The following CHRNA7 variants were observed in gnomAD, a reference collection of about 807,000 sequenced individuals.
CHRNA7 encodes cholinergic receptor nicotinic alpha 7 subunit, also known as neuronal acetylcholine receptor subunit alpha-7.
A neutral mutation model predicts 48.0 loss-of-function variants in CHRNA7; 17 were observed. That is an observed-to-expected ratio of 0.35 (90% CI 0.24 to 0.53). The LOEUF (loss-of-function observed/expected upper bound fraction) is 0.53. Ranked by LOEUF, CHRNA7 falls within the 20% of genes least tolerant of loss-of-function variation. The pLI, the probability that CHRNA7 is intolerant of heterozygous loss-of-function variation, is 0.92. For synonymous variants in CHRNA7, 75 were observed against 242.3 expected, an observed-to-expected ratio of 0.31 and a Z score of 6.41; for missense variants, 155 against 577.7, an observed-to-expected ratio of 0.27 and a Z score of 7.50.
intron 2 of CHRNA7, among the ~76,000 whole-genome samples, chr15:32,083,309 C>T (rs978103105): frequency 2.0e-5 from 3 of 152,150 alleles, no homozygotes; most frequent in Non-Finnish European, 4.4e-5. Flanking sequence ...CTCTCGAGTA[C>T]TCTCTAGCCC....
chr15:32,140,100 G>A (rs1264612824), intron 4 of CHRNA7, among the ~76,000 whole-genome samples: 1 of 148,256 alleles, frequency 6.7e-6, no homozygotes, highest in Non-Finnish European at 1.5e-5. Flanking sequence ...AGGCCCCGGT[G>A]TGTGATGTTC....
intron 2 of CHRNA7, among the ~76,000 whole-genome samples, chr15:32,068,795 G>A (rs1250895922): frequency 6.6e-6 from 1 of 152,002 alleles, no homozygotes; most frequent in Non-Finnish European, 1.5e-5. Context: ...AAGTAAACTG[G>A]TCAGGAATAT....
At chr15:32,144,381 A>C (rs1363138314) in intron 4 of CHRNA7, among the ~76,000 whole-genome samples, 1 of 152,094 alleles carries the variant, frequency 6.6e-6, no homozygotes, top group Non-Finnish European at 1.5e-5. Flanking sequence ...GTGAATCTGA[A>C]AATTATGTGT....
chr15:32,033,038 T>A (rs1375358688), intron 2 of CHRNA7, among the ~76,000 whole-genome samples: 1 of 152,200 alleles, frequency 6.6e-6, no homozygotes, highest in East Asian at 1.9e-4. Context: ...GTCAATGACA[T>A]TCCAGTGTCC....
chr15:32,151,818 C>T (rs2051635893), intron 4 of CHRNA7, among the ~76,000 whole-genome samples: 1 of 151,898 alleles, frequency 6.6e-6, no homozygotes, highest in African/African-American at 2.4e-5. Flanking sequence ...GGTGTGTATC[C>T]TCCACTGTGT....
intron 2 of CHRNA7, among the ~76,000 whole-genome samples, chr15:32,056,878 A>G (rs938287973): frequency 6.6e-6 from 1 of 152,232 alleles, no homozygotes; most frequent in Non-Finnish European, 1.5e-5. Context: ...CAAAGAAAAC[A>G]TTAGGCAAAT....
At position 32,113,287 on chromosome 15, in the gene CHRNA7, T is replaced by C. The variant is rs566003256; in HGVS notation, c.350+1388T>C. On this transcript the variant is annotated intron_variant, in intron 4 of 9. Transcript: ENST00000306901. ...TGTCCGTGCCCTAGTCTCCTCTTCC[T>C]GTAAGCACTGCAGTCAAATTAGAGT... is the stretch of plus-strand genomic sequence containing the variant. Among the ~76,000 whole-genome samples the C allele has an allele frequency of 6.4e-4, 98 of 152,326 alleles. 1 individual carries two copies. The highest frequency in any genetic ancestry group is 2.2e-3 in the African/African-American group (92 of 41,574).
At chr15:32,147,414 A>G (rs1292989432) in intron 4 of CHRNA7, among the ~76,000 whole-genome samples, 4 of 152,160 alleles carry the variant, frequency 2.6e-5, no homozygotes, top group African/African-American at 9.7e-5. Context: ...CAAAATATGA[A>G]CAGATAGCAC....
At chr15:32,074,636 A>ATT (rs554637315) in intron 2 of CHRNA7, among the ~76,000 whole-genome samples, 12 of 36,288 alleles carry the variant, frequency 3.3e-4, no homozygotes, top group Admixed American at 1.4e-3. Context: ...TCACATTATT[A>ATT]ATATTATTAT....
intron 2 of CHRNA7, among the ~76,000 whole-genome samples, chr15:32,080,029 TGACAAAAACAAGCAA>T (rs2050191898): frequency 6.6e-6 from 1 of 152,100 alleles, no homozygotes; most frequent in Admixed American, 6.5e-5. Context: ...TCTACATACC[TGACAAAAACAAGCAA>T]TGGGGAAAGG....
intron 2 of CHRNA7, among the ~76,000 whole-genome samples, chr15:32,073,780 C>G (rs568396760): frequency 1.3e-5 from 2 of 152,268 alleles, no homozygotes; most frequent in East Asian, 3.9e-4. Context: ...TATGACACAC[C>G]TGCTCCCCTT....
chr15:32,043,874 T>C (rs2049489993), intron 2 of CHRNA7, among the ~76,000 whole-genome samples: 1 of 152,224 alleles, frequency 6.6e-6, no homozygotes, highest in Non-Finnish European at 1.5e-5. Flanking sequence ...GCACAATTTC[T>C]CCATGTTTGT....
At chr15:32,061,797 G>C (rs1333948582) in intron 2 of CHRNA7, among the ~76,000 whole-genome samples, 2 of 152,072 alleles carry the variant, frequency 1.3e-5, no homozygotes, top group Non-Finnish European at 2.9e-5. Context: ...GACAGAGTGA[G>C]ACTTCATCTA....
At chr15:32,101,468 A>T (rs755765871) in intron 3 of CHRNA7, 121 bp downstream of exon 3, 2 of 1,058,520 alleles carry the variant, frequency 1.9e-6, no homozygotes, top group Non-Finnish European at 2.8e-6. Flanking sequence ...AACCAAAAAA[A>T]CAAAAGGCCA....
At chr15:32,051,443 C>CCCTCCGAG (rs1429104109) in intron 2 of CHRNA7, among the ~76,000 whole-genome samples, 3 of 152,204 alleles carry the variant, frequency 2.0e-5, no homozygotes, top group African/African-American at 7.2e-5. Context: ...GGGCGTAGGA[C>CCCTCCGAG]CCTCCGAGCC....
chr15:32,054,794 T>G (rs144792364), intron 2 of CHRNA7, among the ~76,000 whole-genome samples: 56 of 152,380 alleles, frequency 3.7e-4, no homozygotes, highest in African/African-American at 1.2e-3. Flanking sequence ...ATTATTATAT[T>G]GATGGCTATT....
At chr15:32,059,536 T>C (rs778512442) in intron 2 of CHRNA7, among the ~76,000 whole-genome samples, 3 of 152,108 alleles carry the variant, frequency 2.0e-5, no homozygotes, top group Non-Finnish European at 4.4e-5. Flanking sequence ...TAAAATAAGG[T>C]GTCCTGGGCT....
intron 2 of CHRNA7, among the ~76,000 whole-genome samples, chr15:32,072,373 T>C (rs2050071474): frequency 6.6e-6 from 1 of 151,678 alleles, no homozygotes; most frequent in Admixed American, 6.6e-5. Context: ...GGGAGCAGAG[T>C]GTAAAAGTTA....
intron 2 of CHRNA7, among the ~76,000 whole-genome samples, chr15:32,056,821 A>AT (rs1434201723): frequency 6.6e-6 from 1 of 152,244 alleles, no homozygotes; most frequent in East Asian, 1.9e-4. Flanking sequence ...CCTTTAATTA[A>AT]ATATCTTCAG....
Sources: gnomAD v4.1 joint callset for allele counts (sites outside exome capture counted in the v4.1 genomes callset) on GRCh38, gnomAD v4.1.1 for gene constraint, MANE v1.5 for transcripts, NCBI Gene and HGNC (gene_info 2026-07-23, HGNC 2026-07-21) for gene names.